The following SSH2 variants were observed in gnomAD, a reference collection of about 807,000 sequenced individuals.
SSH2 encodes the protein protein phosphatase Slingshot homolog 2.
A neutral mutation model predicts 135.2 loss-of-function variants in SSH2; 37 were observed. The observed-to-expected ratio is 0.27, with a 90% confidence interval of 0.21 to 0.36. The LOEUF (loss-of-function observed/expected upper bound fraction) is 0.36. Among genes scored for constraint, SSH2 ranks in the 10% least tolerant of loss-of-function variants. The probability of loss-of-function intolerance (pLI) is 1.00; values close to 1 mark genes in which losing one functional copy is unlikely to be tolerated. For synonymous variants in SSH2, 628 were observed against 646.2 expected, an observed-to-expected ratio of 0.97 and a Z score of 0.43; for missense variants, 1,408 against 1,765.3, an observed-to-expected ratio of 0.80 and a Z score of 3.63.
At chr17:29,913,362 A>T (rs1442668275) in intron 1 of SSH2, among the ~76,000 whole-genome samples, 4 of 91,408 alleles carry the variant, frequency 4.4e-5, no homozygotes, top group South Asian at 8.7e-4. Flanking sequence ...ATATATATAT[A>T]TATATATATA....
intron 3 of SSH2, among the ~76,000 whole-genome samples, chr17:29,730,082 A>G (rs888744969): frequency 1.3e-5 from 2 of 152,078 alleles, no homozygotes; most frequent in African/African-American, 4.8e-5. Context: ...ACTTCGGGAG[A>G]GGCTGAGATG....
Position 29,930,066 on chromosome 17 carries a change from C to T in SSH2, c.-66G>A, listed in dbSNP as rs1363587690. 6 of 235,514 alleles carry T rather than the reference C, an allele frequency of 2.5e-5. No homozygotes were observed. In the East Asian group the frequency reaches 9.4e-4, roughly 37 times the overall value. 14.6% of individuals were successfully genotyped at this position (235,514 alleles called of 1,614,324 possible). ...CTGAGTGTGGGGGACGGGAGGGTGACGGAGCCGGGATGGGGAAAGGGGTGC... is the reference window on the plus strand; with the variant it reads ...CTGAGTGTGGGGGACGGGAGGGTGATGGAGCCGGGATGGGGAAAGGGGTGC... On this transcript the variant is annotated 5_prime_UTR_variant, in exon 1 of 16. Coordinates refer to ENST00000540801, the MANE Select transcript of SSH2 (RefSeq NM_001282129.2).
chr17:29,914,558 GAAA>G (rs1228741515), intron 1 of SSH2, among the ~76,000 whole-genome samples: 2 of 78,070 alleles, frequency 2.6e-5, no homozygotes, highest in South Asian at 5.1e-4. Context: ...GACCCTGTCT[GAAA>G]AAAAAAAAAA....
In SSH2 at chr17:29,856,336, C is replaced by T. The variant is rs2065662175; in HGVS notation, c.64-7407G>A. On this transcript the variant is annotated intron_variant, in intron 1 of 15. Coordinates refer to ENST00000540801, the MANE Select transcript of SSH2 (RefSeq NM_001282129.2). ...AGTTTAGCAGGCTGATGAATAAGAT[C>T]TAAGAGTTGTCCAGCTACAGCAACA... The T allele has an allele frequency of 1.3e-5, 3 of 225,994 alleles. No homozygotes were observed. In the South Asian group the frequency reaches 1.7e-4, roughly 13 times the overall value. 14.0% of individuals were successfully genotyped at this position (225,994 alleles called of 1,614,324 possible).
chr17:29,688,522 G>A (rs575514184), intron 5 of SSH2, among the ~76,000 whole-genome samples: 2 of 152,054 alleles, frequency 1.3e-5, no homozygotes, highest in East Asian at 3.9e-4. Flanking sequence ...TACCCAGGCT[G>A]GAATGCAGTG....
intron 3 of SSH2, among the ~76,000 whole-genome samples, chr17:29,746,490 G>A (rs191138573): frequency 5.5e-4 from 76 of 137,152 alleles, no homozygotes; most frequent in African/African-American, 2.0e-3. Context: ...GGAGGTTGCA[G>A]TGAGCCAAGA....
intron 1 of SSH2, among the ~76,000 whole-genome samples, chr17:29,922,526 A>G (rs972960130): frequency 1.3e-5 from 2 of 152,252 alleles, no homozygotes; most frequent in Admixed American, 6.5e-5. Flanking sequence ...CTCAAAAAAT[A>G]TATCTTTTCA....
chr17:29,849,478 C>CAA (rs36026122), intron 1 of SSH2, among the ~76,000 whole-genome samples: 77 of 47,782 alleles, frequency 1.6e-3, no homozygotes, highest in Non-Finnish European at 1.8e-3. Flanking sequence ...GACTCCGTCT[C>CAA]AAAAAAAAAA....
At chr17:29,652,538 G>A (rs1405881089) in intron 12 of SSH2, among the ~76,000 whole-genome samples, 3 of 151,852 alleles carry the variant, frequency 2.0e-5, no homozygotes. Flanking sequence ...CATATGGTAT[G>A]TAAATTATAT....
At chr17:29,740,460 T>C (rs866058158) in intron 3 of SSH2, among the ~76,000 whole-genome samples, 3 of 144,446 alleles carry the variant, frequency 2.1e-5, no homozygotes, top group African/African-American at 5.3e-5. Context: ...TTTTTTTTTT[T>C]CAGTAAATTT....
chr17:29,839,495 T>A (rs577167031), intron 2 of SSH2, among the ~76,000 whole-genome samples: 27 of 152,304 alleles, frequency 1.8e-4, no homozygotes, highest in African/African-American at 6.3e-4. Flanking sequence ...CCAATAACAG[T>A]GTATCTTTAC....
intron 2 of SSH2, among the ~76,000 whole-genome samples, chr17:29,833,536 G>A (rs187216822): frequency 6.6e-6 from 1 of 151,948 alleles, no homozygotes; most frequent in Admixed American, 6.5e-5. Context: ...TTCTCTATTT[G>A]GTTATTCTAT....
chr17:29,679,033 C>T (rs1448239302), intron 6 of SSH2, among the ~76,000 whole-genome samples: 1 of 152,050 alleles, frequency 6.6e-6, no homozygotes, highest in African/African-American at 2.4e-5. Flanking sequence ...CTATTTCAAT[C>T]TCACATTAGC....
intron 9 of SSH2, among the ~76,000 whole-genome samples, 190 bp from the exon 10 acceptor site, chr17:29,667,413 G>A (rs987586655): frequency 2.1e-4 from 32 of 152,112 alleles, no homozygotes; most frequent in Admixed American, 1.7e-3. Flanking sequence ...TTAGAAGCCG[G>A]GCAGCAGAAC....
At chr17:29,709,052 A>AGAGAGAGAGAGAGAGC (rs1491229455) in intron 3 of SSH2, among the ~76,000 whole-genome samples, 3 of 144,654 alleles carry the variant, frequency 2.1e-5, no homozygotes, top group African/African-American at 7.7e-5. Flanking sequence ...AGAGAGAGAG[A>AGAGAGAGAGAGAGAGC]GCTAATAATA....
intron 8 of SSH2, among the ~76,000 whole-genome samples, chr17:29,674,601 CT>C (rs1315028324): frequency 6.6e-6 from 1 of 152,134 alleles, no homozygotes; most frequent in African/African-American, 2.4e-5. Context: ...TTTTTTCCCC[CT>C]GTGACTTCAA....
At chr17:29,652,418 G>A (rs1273946408) in intron 12 of SSH2, among the ~76,000 whole-genome samples, 3 of 152,068 alleles carry the variant, frequency 2.0e-5, no homozygotes, top group Non-Finnish European at 4.4e-5. Flanking sequence ...ATTCCTGAAG[G>A]GTACAGGCTT....
intron 6 of SSH2, among the ~76,000 whole-genome samples, chr17:29,680,867 T>C (rs1283067673): frequency 6.6e-6 from 1 of 152,044 alleles, no homozygotes; most frequent in Non-Finnish European, 1.5e-5. Flanking sequence ...ATAAATATGG[T>C]GGGTTGGTAG....
intron 9 of SSH2, among the ~76,000 whole-genome samples, chr17:29,667,570 C>G (rs2037331198): frequency 6.6e-6 from 1 of 152,196 alleles, no homozygotes; most frequent in Admixed American, 6.5e-5. Flanking sequence ...GAGAAGCTAA[C>G]TAACGCCTGA....
Sources: allele counts gnomAD v4.1 joint callset (sites outside exome capture counted in the v4.1 genomes callset), GRCh38; gene constraint gnomAD v4.1.1; transcripts MANE v1.5; gene names NCBI Gene and HGNC (gene_info 2026-07-23, HGNC 2026-07-21).